SEMA3A: variants seen among roughly 807,000 people sequenced by gnomAD.
SEMA3A encodes semaphorin-3A.
Under a neutral mutation model 97.9 loss-of-function variants are expected in SEMA3A, and 29 were observed. That is an observed-to-expected ratio of 0.30 (90% CI 0.22 to 0.40). The LOEUF (loss-of-function observed/expected upper bound fraction) is 0.40. SEMA3A is among the 10% of genes least tolerant of loss of function. The pLI, the probability that SEMA3A is intolerant of heterozygous loss-of-function variation, is 1.00. For synonymous variants in SEMA3A, 321 were observed against 323.7 expected, an observed-to-expected ratio of 0.99 and a Z score of 0.09; for missense variants, 763 against 951.3, an observed-to-expected ratio of 0.80 and a Z score of 2.60.
intron 2 of SEMA3A, among the ~76,000 whole-genome samples, chr7:84,343,020 T>G (rs909918324): frequency 6.6e-6 from 1 of 152,190 alleles, no homozygotes; most frequent in Non-Finnish European, 1.5e-5. Context: ...TGCTTTGAAA[T>G]GTACACTTTC....
At chr7:84,076,172 A>G (rs760444310) in intron 4 of SEMA3A, among the ~76,000 whole-genome samples, 2 of 152,170 alleles carry the variant, frequency 1.3e-5, no homozygotes, top group Non-Finnish European at 2.9e-5. Flanking sequence ...CTTTGTTATG[A>G]TAGATAGCAT....
At chr7:84,446,359 A>G (rs922141276) in intron 1 of SEMA3A, among the ~76,000 whole-genome samples, 3 of 152,174 alleles carry the variant, frequency 2.0e-5, no homozygotes, top group African/African-American at 7.2e-5. Context: ...AAAGCCAGCC[A>G]AAGACACTAC....
chr7:84,131,618 T>G lies in SEMA3A; in HGVS notation c.271-2433A>C, dbSNP rs367581690. Among the ~76,000 whole-genome samples, 134 of 152,320 alleles carry G rather than the reference T, an allele frequency of 8.8e-4. 6 individuals are homozygous for G. In the South Asian group the frequency reaches 0.028, roughly 31 times the overall value. ...TAAGATTACTATTTTATCTTTACTG[T>G]TAACCTTGTAAGGTCATCAAGAATT... On this transcript the variant is annotated intron_variant, in intron 2 of 16. Transcript: ENST00000265362.
chr7:84,414,650 G>A (rs779882973), intron 1 of SEMA3A, among the ~76,000 whole-genome samples: 4 of 151,832 alleles, frequency 2.6e-5, no homozygotes, highest in South Asian at 2.1e-4. Flanking sequence ...ATGAATAAAC[G>A]TTCAAAAACA....
Position 83,980,623 on chromosome 7 carries a change from A to AAAAAAAAAAAAAAAAAT in SEMA3A, c.1652+697_1652+698insATTTTTTTTTTTTTTTT, listed in dbSNP as rs1310318006. Reference sequence around the variant, plus strand: ...CATCTCAAAAAAAAAAAAAAAAAAAAATATATATATATATATACACACACA... The same window carrying AAAAAAAAAAAAAAAAAT: ...CATCTCAAAAAAAAAAAAAAAAAAAAAAAAAAAAAAAAAAAATATATATATATATATATACACACACA... On this transcript the variant is annotated intron_variant, in intron 14 of 16. Transcript: ENST00000265362. Among the ~76,000 whole-genome samples, 8 of 71,752 alleles carry AAAAAAAAAAAAAAAAAT rather than the reference A, an allele frequency of 1.1e-4. No individual in the cohort carries two copies. In the South Asian group the frequency reaches 2.4e-3, roughly 21 times the overall value. 47.1% of individuals were successfully genotyped at this position (71,752 alleles called of 152,430 possible). A position where few individuals can be genotyped will look rare whatever the true frequency, so the allele number is the denominator to read the frequency against.
chr7:84,267,277 C>T (rs1181039127), intron 3 of SEMA3A, among the ~76,000 whole-genome samples: 15 of 152,100 alleles, frequency 9.9e-5, no homozygotes. Flanking sequence ...GAATACTCAA[C>T]CTGAATTACC....
intron 1 of SEMA3A, among the ~76,000 whole-genome samples, chr7:84,492,105 TTG>T (rs1584361942): frequency 6.6e-6 from 1 of 152,136 alleles, no homozygotes; most frequent in South Asian, 2.1e-4. Flanking sequence ...AAAGATTTTT[TTG>T]TGTGTGTTCT....
intron 2 of SEMA3A, among the ~76,000 whole-genome samples, chr7:84,324,070 G>A (rs772341805): frequency 1.3e-5 from 2 of 152,144 alleles, no homozygotes; most frequent in South Asian, 2.1e-4. Flanking sequence ...ATGTCAAAAC[G>A]TGTAAATAAA....
chr7:84,307,408 C>T (rs1271297927), intron 2 of SEMA3A: 1 of 152,146 alleles, frequency 6.6e-6, no homozygotes, highest in Admixed American at 6.6e-5. Flanking sequence ...AACAACCCCT[C>T]TATCTTGTGT....
chr7:84,185,660 C>T (rs35921556), intron 1 of SEMA3A, among the ~76,000 whole-genome samples: 10,168 of 143,312 alleles, frequency 0.071, 453 homozygotes, highest in African/African-American at 0.13. Context: ...CATTGCACTC[C>T]AGCCTGGGTG....
intron 3 of SEMA3A, among the ~76,000 whole-genome samples, chr7:84,291,358 T>C (rs1800741237): frequency 1.3e-5 from 2 of 152,128 alleles, no homozygotes; most frequent in South Asian, 4.1e-4. Flanking sequence ...TTCCAACATA[T>C]AATATTTGCA....
At chr7:84,466,209 T>C (rs969654250) in intron 1 of SEMA3A, among the ~76,000 whole-genome samples, 1 of 152,128 alleles carries the variant, frequency 6.6e-6, no homozygotes. Context: ...GTTTTGCTCT[T>C]GTCACCCAGG....
chr7:84,407,991 C>T (rs1450701323), intron 1 of SEMA3A, among the ~76,000 whole-genome samples: 1 of 152,142 alleles, frequency 6.6e-6, no homozygotes, highest in African/African-American at 2.4e-5. Context: ...TGGGCAAGGA[C>T]TTCATGTCTA....
intron 3 of SEMA3A, among the ~76,000 whole-genome samples, chr7:84,299,962 G>A (rs1040988528): frequency 2.0e-5 from 3 of 148,588 alleles, no homozygotes; most frequent in Non-Finnish European, 3.0e-5. Context: ...AACCAGGGAG[G>A]CGGAGGTTGT....
intron 4 of SEMA3A, among the ~76,000 whole-genome samples, chr7:84,068,351 C>T (rs1001867016): frequency 6.9e-6 from 1 of 145,944 alleles, no homozygotes; most frequent in African/African-American, 2.6e-5. Context: ...TGCAGCACAC[C>T]AGCATGGCAC....
In SEMA3A at chr7:83,977,162, G is replaced by T; in HGVS notation, c.1687C>A (p.Pro563Thr). 2 of 1,587,372 alleles carry T rather than the reference G, an allele frequency of 1.3e-6. No individual in the cohort carries two copies. Among genetic ancestry groups the T allele is most frequent in the East Asian group, 2.3e-5 (1 of 43,390 alleles). The change falls in exon 15 of 17, where the codon CCA (proline) becomes ACA (threonine). Residue 563 changes from proline to threonine, a missense_variant. Around this residue, in one of 2 missense-constraint regions of SEMA3A, gnomAD observed 678 missense variants for 881.3 expected, o/e 0.77. Transcript: ENST00000265362. ...TRRQDIRNGD[P>T]LTHCSDLHHD... The stretch of plus-strand genomic sequence containing the variant: ...TGTAAGTCTGAACAGTGAGTCAGTG[G>T]GTCTCCATTTCTTATATCTTGTCGT...
At chr7:84,108,158 A>G (rs1036561574) in intron 4 of SEMA3A, among the ~76,000 whole-genome samples, 4 of 152,142 alleles carry the variant, frequency 2.6e-5, no homozygotes, top group African/African-American at 9.7e-5. Flanking sequence ...AACTTTCACA[A>G]CTGTATGAGG....
At chr7:84,410,808 C>A (rs554004487) in intron 1 of SEMA3A, among the ~76,000 whole-genome samples, 1 of 152,080 alleles carries the variant, frequency 6.6e-6, no homozygotes, top group East Asian at 1.9e-4. Context: ...TAGAGCATTC[C>A]AAAGTATTTG....
chr7:84,339,718 T>C (rs1435752058), intron 2 of SEMA3A, among the ~76,000 whole-genome samples: 1 of 152,172 alleles, frequency 6.6e-6, no homozygotes, highest in Admixed American at 6.5e-5. Flanking sequence ...GAGATTCTGC[T>C]TAAATTTCGT....
Sources: allele counts gnomAD v4.1 joint callset (sites outside exome capture counted in the v4.1 genomes callset), GRCh38; gene constraint gnomAD v4.1.1; regional missense constraint gnomAD v4.1.1; transcripts MANE v1.5; gene names NCBI Gene and HGNC (gene_info 2026-07-23, HGNC 2026-07-21).